Variants in COL11A2 observed in about 807,000 individuals in gnomAD.
The protein encoded by COL11A2 is collagen alpha-2(XI) chain.
Under a neutral mutation model 273.4 loss-of-function variants are expected in COL11A2, and 116 were observed. The observed-to-expected ratio is 0.42, with a 90% CI of 0.36 to 0.49. COL11A2 has a LOEUF of 0.49. COL11A2 is among the 20% of genes least tolerant of loss of function. The pLI is 0.00. For missense variants in COL11A2, 1,866 were observed against 2,309.0 expected, an observed-to-expected ratio of 0.81 and a Z score of 3.93; for synonymous variants, 782 against 864.2, an observed-to-expected ratio of 0.90 and a Z score of 1.67.
Position 33,170,884 on chromosome 6 carries a change from G to T in COL11A2, c.3400C>A (p.Gln1134Lys), listed in dbSNP as rs1179568899. The T allele has an allele frequency of 6.2e-7, 1 of 1,612,948 alleles. No homozygotes were observed. The highest frequency in any genetic ancestry group is 8.5e-7 in the Non-Finnish European group (1 of 1,179,986). The change falls in exon 46 of 66, where the codon CAG (glutamine) becomes AAG (lysine). Residue 1134 changes from glutamine to lysine, a missense_variant. Transcript: ENST00000341947. This position sits in a 1 kb window ranked among gnomAD's most constrained non-coding sequence, Gnocchi z 4.3. Reference sequence around the variant, plus strand: ...TCACCTTTGGCTCCAAAGTGTCCCTGGGGTCCCCGAGCTCCGGGCTCCCCA... The same window carrying T: ...TCACCTTTGGCTCCAAAGTGTCCCTTGGGTCCCCGAGCTCCGGGCTCCCCA... ...ADGEPGARGP[Q>K]GHFGAKGDEG...
In COL11A2 at chr6:33,178,963, C is replaced by G. The variant is rs746757128; in HGVS notation, c.1622G>C (p.Gly541Ala). The stretch of plus-strand genomic sequence containing the variant: ...AGGCATCCCTCGGGCTCCATCAGCA[C>G]CTGCCCGGCCCTGGGAGAACAAGGG... Reference protein sequence around the residue: ...PGKAGRRGRAGADGARGMPGD... With the variant: ...PGKAGRRGRAAADGARGMPGD... The change falls in exon 17 of 66, where the codon GGT (glycine) becomes GCT (alanine). Residue 541 changes from glycine (G) to alanine (A), a missense_variant. Transcript: ENST00000341947. This position sits in a 1 kb window ranked among gnomAD's most constrained non-coding sequence, Gnocchi z 4.6. The G allele has an allele frequency of 6.2e-7, 1 of 1,614,122 alleles. No homozygotes were observed. Among genetic ancestry groups the G allele is most frequent in the South Asian group, 1.1e-5 (1 of 91,082 alleles).
At chr6:33,192,508 C>G (rs1385359036), upstream of COL11A2, 1 of 539,114 alleles carries the variant, frequency 1.9e-6, no homozygotes, top group African/African-American at 2.0e-5. Context: ...CACCTCGCCC[C>G]CGCCCCCGGC....
intron 29 of COL11A2, 124 bp from the exon 30 acceptor site, chr6:33,175,805 G>C: frequency 9.1e-7 from 1 of 1,096,250 alleles, no homozygotes. Context: ...TGCAGGACAG[G>C]AAGCCCACAG....
Position 33,169,973 on chromosome 6 carries a change from C to G in COL11A2, c.3636+74G>C, listed in dbSNP as rs45596935. ...CACATCTCATTCTCTTTTGTCTCCCCACCCAAAATTGGCAGAAATCCAACT... is the reference window on the plus strand; with the variant it reads ...CACATCTCATTCTCTTTTGTCTCCCGACCCAAAATTGGCAGAAATCCAACT... On this transcript the variant is annotated intron_variant, in intron 49 of 65. Transcript: ENST00000341947. This position sits in a 1 kb window ranked among gnomAD's most constrained non-coding sequence, Gnocchi z 5.5. The G allele has an allele frequency of 0.011, 16,932 of 1,612,518 alleles. 117 individuals carry two copies. The highest frequency in any genetic ancestry group is 0.024 in the Middle Eastern group (145 of 6,060).
At chr6:33,181,764 G>A (rs2150591458) in intron 8 of COL11A2, among the ~76,000 whole-genome samples, 1 of 151,916 alleles carries the variant, frequency 6.6e-6, no homozygotes, top group Middle Eastern at 3.4e-3. Context: ...GGAATTACAG[G>A]CGTGAGCCAC....
rs1769793171 is a variant in COL11A2, at chr6:33,169,969, TC to T, written c.3636+77del. ...TCCCCACATCTCATTCTCTTTTGTC[TC>T]CCCACCCAAAATTGGCAGAAATCCA... On this transcript the variant is annotated intron_variant, in intron 49 of 65. Coordinates refer to ENST00000341947, the MANE Select transcript of COL11A2 (RefSeq NM_080680.3). This position sits in a 1 kb window ranked among gnomAD's most constrained non-coding sequence, Gnocchi z 5.5. 2.5e-6 allele frequency: 4 copies of T among 1,612,784 alleles called. No homozygotes were observed. Among genetic ancestry groups the T allele is most frequent in the Non-Finnish European group, 3.4e-6 (4 of 1,178,990 alleles).
rs763766268 is a variant in COL11A2, at chr6:33,189,149, C to T, written c.272G>A (p.Arg91Gln). The T allele has an allele frequency of 7.4e-6, 12 of 1,613,808 alleles. No homozygotes were observed. The highest frequency in any genetic ancestry group is 1.6e-4 in the Middle Eastern group (1 of 6,084). The change falls in exon 3 of 66, where the codon CGG (arginine) becomes CAG (glutamine). Residue 91 changes from arginine (R) to glutamine (Q), a missense_variant. Physicochemically the swap from Arg to Gln is conservative, Grantham distance 43. Transcript: ENST00000341947. The surrounding 1 kb of genome is among the most constrained non-coding windows in gnomAD (Gnocchi z 5.6). ...PKDFSLLTVV[R>Q]TRPGLQAPLL... ...GGGAGCTTGGAGACCAGGGCGGGTC[C>T]GGACAACAGTCAGCAGAGAGAAATC...
chr6:33,166,883 G>A lies in COL11A2; in HGVS notation c.4231-56C>T, dbSNP rs1769232952. 2 of 1,579,764 alleles carry A rather than the reference G, an allele frequency of 1.3e-6. No homozygotes were observed. Among genetic ancestry groups the A allele is most frequent in the Admixed American group, 3.5e-5 (2 of 57,214 alleles). On this transcript the variant is annotated intron_variant, in intron 58 of 65. Transcript: ENST00000341947. The surrounding 1 kb of genome is among the most constrained non-coding windows in gnomAD (Gnocchi z 4.8). Reference sequence around the variant, plus strand: ...GCAAAGAGGAGTCATGTGGATGGGGGAGAAGGGCCAAGAGGACATGGAGAG... The same window carrying A: ...GCAAAGAGGAGTCATGTGGATGGGGAAGAAGGGCCAAGAGGACATGGAGAG...
chr6:33,166,586 G>T lies in COL11A2; in HGVS notation c.4339-20C>A. On this transcript the variant is annotated intron_variant, in intron 59 of 65. Transcript: ENST00000341947. The surrounding 1 kb of genome is among the most constrained non-coding windows in gnomAD (Gnocchi z 4.8). ...GATACCCTAGGAAGGGTAGTGGCTG[G>T]TTCAACTGGGTCCTCCTCCCACACC... The T allele has an allele frequency of 6.2e-7, 1 of 1,613,690 alleles. No individual in the cohort carries two copies. The highest frequency in any genetic ancestry group is 8.5e-7 in the Non-Finnish European group (1 of 1,179,832).
intron 10 of COL11A2, 96 bp downstream of exon 10, chr6:33,180,868 G>T: frequency 6.4e-7 from 1 of 1,567,196 alleles, no homozygotes; most frequent in African/African-American, 1.3e-5. Flanking sequence ...CCCGAGTTCT[G>T]AGGAGGAGGC....
chr6:33,167,129 G>A lies in COL11A2; in HGVS notation c.4177-6C>T. 6.2e-7 allele frequency: 1 copy of A among 1,614,122 alleles called. No homozygotes were observed. Among genetic ancestry groups the A allele is most frequent in the East Asian group, 2.2e-5 (1 of 44,884 alleles). The stretch of plus-strand genomic sequence containing the variant: ...CCAGGCAGCCCTGGGGGTCCCTGTG[G>A]AGAGATGGGAAGTCATTCTCTTAAG... On this transcript the variant is annotated splice_polypyrimidine_tract_variant and splice_region_variant and intron_variant, in intron 57 of 65. Transcript: ENST00000341947. The surrounding 1 kb of genome is among the most constrained non-coding windows in gnomAD (Gnocchi z 6.1).
In COL11A2 at chr6:33,172,626, T is replaced by A. The variant is rs762782635; in HGVS notation, c.2802A>T (p.Gly934=). 3.1e-6 allele frequency: 5 copies of A among 1,612,294 alleles called. No homozygotes were observed. In the South Asian group the frequency reaches 5.5e-5, roughly 18 times the overall value. The change falls in exon 39 of 66, where the codon GGA becomes GGT. Residue 934 remains glycine (G), a synonymous_variant. Transcript: ENST00000341947. ...CTCTCTCCCCCATAGGGCCGGTTTC[T>A]CCTGCTGCTCCCTAGACAAAAGCAG... is the stretch of plus-strand genomic sequence containing the variant. ...PGVVGPQGAA[G]ETGPMGERGH...
At chr6:33,192,819 G>C (rs1378666598), upstream of COL11A2, among the ~76,000 whole-genome samples, 1 of 152,102 alleles carries the variant, frequency 6.6e-6, no homozygotes, top group Non-Finnish European at 1.5e-5. Context: ...CAGTGGGAGG[G>C]GGAGAGGCGG....
chr6:33,164,144 G>T lies in COL11A2; in HGVS notation c.5070+123C>A. 1 of 1,196,766 alleles carries T rather than the reference G, an allele frequency of 8.4e-7. No homozygotes were observed. Among genetic ancestry groups the T allele is most frequent in the Non-Finnish European group, 1.2e-6 (1 of 856,672 alleles). 74.1% of individuals were successfully genotyped at this position (1,196,766 alleles called of 1,614,324 possible). ...CTTTTGAGCTCCCTCAGGCATCCCTGACAATCCAGCAGGACGGACTCCTCC... is the reference window on the plus strand; with the variant it reads ...CTTTTGAGCTCCCTCAGGCATCCCTTACAATCCAGCAGGACGGACTCCTCC... On this transcript the variant is annotated intron_variant, in intron 65 of 65. Transcript: ENST00000341947. This position sits in a 1 kb window ranked among gnomAD's most constrained non-coding sequence, Gnocchi z 4.7.
Position 33,168,451 on chromosome 6 carries a change from A to G in COL11A2, c.3960+68T>C, listed in dbSNP as rs149816966. 4.7e-3 allele frequency: 7,293 copies of G among 1,555,034 alleles called. 38 individuals carry two copies. Among genetic ancestry groups the G allele is most frequent in the Middle Eastern group, 0.016 (88 of 5,662 alleles). ...CACCTCCCCACCCATCCCACCTGCC[A>G]TTGCCCAGCCTCCACCCACACAGCC... On this transcript the variant is annotated intron_variant, in intron 54 of 65. Coordinates refer to ENST00000341947, the MANE Select transcript of COL11A2 (RefSeq NM_080680.3).
chr6:33,184,959 C>G, intron 7 of COL11A2, 33 bp downstream of exon 7: 1 of 1,542,750 alleles, frequency 6.5e-7, no homozygotes, highest in Non-Finnish European at 8.8e-7. Context: ...GCCCACTGCC[C>G]CCAGATGGGG....
At position 33,168,898 on chromosome 6, in the gene COL11A2, A is replaced by ACC. The variant is rs113461359; in HGVS notation, c.3852+55_3852+56dup. ...CCCAAGCCCAGCGGCCACACAGAGG[A>ACC]CCCCCCCATAGAAGCCCCACCCTTT... is the stretch of plus-strand genomic sequence containing the variant. On this transcript the variant is annotated intron_variant, in intron 52 of 65. Transcript: ENST00000341947. 7.0e-4 allele frequency: 1,061 copies of ACC among 1,519,498 alleles called. 6 individuals carry two copies. The highest frequency in any genetic ancestry group is 2.5e-3 in the South Asian group (224 of 88,182). The allele number at this position is 1,519,498 out of a possible 1,614,324, so 94.1% of individuals were successfully genotyped here.
At chr6:33,174,809 C>A (rs138198825) in intron 30 of COL11A2, among the ~76,000 whole-genome samples, 1 of 152,066 alleles carries the variant, frequency 6.6e-6, no homozygotes, top group Non-Finnish European at 1.5e-5. Flanking sequence ...ACCTCCCCTG[C>A]GCCTACAGAG....
chr6:33,166,888 G>A lies in COL11A2; in HGVS notation c.4231-61C>T. ...GAGGAGTCATGTGGATGGGGGAGAA[G>A]GGCCAAGAGGACATGGAGAGGGAGC... On this transcript the variant is annotated intron_variant, in intron 58 of 65. Coordinates refer to ENST00000341947, the MANE Select transcript of COL11A2 (RefSeq NM_080680.3). This position sits in a 1 kb window ranked among gnomAD's most constrained non-coding sequence, Gnocchi z 4.8. 1.3e-6 allele frequency: 2 copies of A among 1,570,066 alleles called. No individual in the cohort carries two copies. Among genetic ancestry groups the A allele is most frequent in the Non-Finnish European group, 1.7e-6 (2 of 1,149,488 alleles).
Sources: allele counts gnomAD v4.1 joint callset (sites outside exome capture counted in the v4.1 genomes callset), GRCh38; gene constraint gnomAD v4.1.1; non-coding constraint Gnocchi (gnomAD v3.1); transcripts MANE v1.5; gene names NCBI Gene and HGNC (gene_info 2026-07-23, HGNC 2026-07-21).